RBM19: variants seen among roughly 807,000 people sequenced by gnomAD.
The protein encoded by RBM19 is probable RNA-binding protein 19.
A neutral mutation model predicts 116.8 loss-of-function variants in RBM19; 94 were observed. That is an observed-to-expected ratio of 0.80 (90% confidence interval 0.68 to 0.95). RBM19 has a LOEUF of 0.95. Among genes scored for constraint, RBM19 ranks in the 40% least tolerant of loss-of-function variants. The pLI, the probability that RBM19 is intolerant of heterozygous loss-of-function variation, is 0.00. For synonymous variants in RBM19, 475 were observed against 494.1 expected (o/e 0.96, Z 0.51); for missense variants, 1,161 against 1,220.7 (o/e 0.95, Z 0.73).
In RBM19 at chr12:113,924,766, G is replaced by A. The variant is rs1868906707; in HGVS notation, c.2245-9C>T. On this transcript the variant is annotated splice_polypyrimidine_tract_variant and intron_variant, in intron 17 of 23. Coordinates refer to ENST00000261741, the MANE Select transcript of RBM19 (RefSeq NM_016196.4). ...CCCACTTTTGAAAACACCTGGATAA[G>A]AAAGTAACAAGTATCATCAGCAGCT... 2 of 1,536,262 alleles carry A rather than the reference G, an allele frequency of 1.3e-6. No individual in the cohort carries two copies. Among genetic ancestry groups the A allele is most frequent in the Non-Finnish European group, 1.8e-6 (2 of 1,109,436 alleles).
intron 21 of RBM19, among the ~76,000 whole-genome samples, chr12:113,884,298 TACACAC>T (rs56150788): frequency 0.046 from 6,370 of 137,268 alleles, 334 homozygotes; most frequent in Admixed American, 0.16. Context: ...AAAAAAAGTA[TACACAC>T]ACACACACAC....
chr12:113,858,740 G>T (rs1878123092), intron 22 of RBM19, 51 bp downstream of exon 22: 1 of 1,547,442 alleles, frequency 6.5e-7, no homozygotes, highest in Admixed American at 1.7e-5. Flanking sequence ...CCTACAATGG[G>T]TACTGGAAAG....
intron 21 of RBM19, among the ~76,000 whole-genome samples, chr12:113,882,269 G>C (rs1315356381): frequency 6.6e-6 from 1 of 152,172 alleles, no homozygotes; most frequent in African/African-American, 2.4e-5. Context: ...GGAGGACATG[G>C]TTCTCTCTGT....
chr12:113,966,117 C>G lies in RBM19; in HGVS notation c.36+75G>C, dbSNP rs747357723. On this transcript the variant is annotated intron_variant, in intron 1 of 23. Transcript: ENST00000261741. ...CAGAGCAAAAATTCTTCGATCACCTCCAGGCATCTCTTCCCTACCTCACAG... is the reference window on the plus strand; with the variant it reads ...CAGAGCAAAAATTCTTCGATCACCTGCAGGCATCTCTTCCCTACCTCACAG... 7 of 1,592,018 alleles carry G rather than the reference C, an allele frequency of 4.4e-6. No individual in the cohort carries two copies. The East Asian group carries it at 6.7e-5, about 15-fold the overall frequency.
chr12:113,901,903 G>A (rs181290156), intron 21 of RBM19, among the ~76,000 whole-genome samples: 1 of 150,108 alleles, frequency 6.7e-6, no homozygotes, highest in Non-Finnish European at 1.5e-5. Context: ...ATTACTGCAG[G>A]AAATGGCCTT....
chr12:113,881,042 T>C (rs1395724464), intron 21 of RBM19, among the ~76,000 whole-genome samples: 1 of 152,184 alleles, frequency 6.6e-6, no homozygotes. Context: ...CTGAACACCA[T>C]CATCCCCTCA....
rs368583890 is a variant in RBM19 at position 113,844,654 on chromosome 12, C to T, written c.2785+14G>A. On this transcript the variant is annotated intron_variant, in intron 23 of 23. Coordinates refer to ENST00000261741, the MANE Select transcript of RBM19 (RefSeq NM_016196.4). Reference sequence around the variant, plus strand: ...GGGCCCATGAGTCAGCCCAAAAGACCGTCCCGCTCCTACCGTGAAAGTGAG... The same window carrying T: ...GGGCCCATGAGTCAGCCCAAAAGACTGTCCCGCTCCTACCGTGAAAGTGAG... The T allele has an allele frequency of 4.5e-5, 72 of 1,601,918 alleles. No individual in the cohort carries two copies. The African/African-American group carries it at 6.7e-4, about 15-fold the overall frequency.
In RBM19 at chr12:113,839,718, G is replaced by C. The variant is rs573658816; in HGVS notation, c.2785+4950C>G. On this transcript the variant is annotated intron_variant, in intron 23 of 23. Transcript: ENST00000261741. ...CTACTATGGCTTTTGTTACTTCCCT[G>C]ATCACTGTCAAATCAATGCCAGAAG... 4.4e-4 allele frequency among the ~76,000 whole-genome samples: 67 copies of C among 152,264 alleles called. No homozygotes were observed. The East Asian group carries it at 9.3e-3, about 21-fold the overall frequency.
At chr12:113,838,400 G>A (rs1038833618) in intron 23 of RBM19, among the ~76,000 whole-genome samples, 3 of 152,224 alleles carry the variant, frequency 2.0e-5, no homozygotes. Context: ...ACTCCATGGG[G>A]AGAACACACA....
chr12:113,912,045 C>A (rs186130668), intron 21 of RBM19, among the ~76,000 whole-genome samples: 1 of 152,282 alleles, frequency 6.6e-6, no homozygotes, highest in African/African-American at 2.4e-5. Context: ...AAATGCAGTG[C>A]CTCCTGATGC....
chr12:113,818,187 C>CT (rs1311071081), downstream of RBM19: 1 of 120,342 alleles, frequency 8.3e-6, no homozygotes, highest in African/African-American at 3.3e-5. Context: ...GCACTCCAGC[C>CT]TGGGGAACAG....
At chr12:113,941,574 G>C (rs1870573796) in intron 14 of RBM19, among the ~76,000 whole-genome samples, 3 of 107,216 alleles carry the variant, frequency 2.8e-5, no homozygotes, top group African/African-American at 1.5e-4. Flanking sequence ...TGCATCATCT[G>C]TATTCATCCA....
intron 5 of RBM19, 66 bp from the exon 6 acceptor site, chr12:113,958,116 T>C: frequency 1.9e-6 from 3 of 1,540,510 alleles, no homozygotes; most frequent in South Asian, 1.3e-5. Context: ...AGGTAGCAAA[T>C]GGTAGATGGT....
intron 18 of RBM19, among the ~76,000 whole-genome samples, 197 bp downstream of exon 18, chr12:113,924,500 C>T (rs868657327): frequency 5.3e-5 from 8 of 152,238 alleles, no homozygotes; most frequent in Middle Eastern, 3.4e-3. Context: ...GCTGCTTCGA[C>T]TGGAAAGGAG....
chr12:113,925,377 A>G lies in RBM19; in HGVS notation c.2245-620T>C, dbSNP rs140888334. ...CAGCTGCTTACTGACTCTTGTGTTT[A>G]AAGTGTCAGATGCTTTATTTGGAGT... is the stretch of plus-strand genomic sequence containing the variant. On this transcript the variant is annotated intron_variant, in intron 17 of 23. Transcript: ENST00000261741. 5.1e-3 allele frequency among the ~76,000 whole-genome samples: 782 copies of G among 152,358 alleles called. 3 individuals carry two copies. The highest frequency in any genetic ancestry group is 0.01 in the Middle Eastern group (3 of 294).
chr12:113,823,161 A>T lies in RBM19; in HGVS notation c.*63T>A. On this transcript the variant is annotated 3_prime_UTR_variant, in exon 24 of 24. Coordinates refer to ENST00000261741, the MANE Select transcript of RBM19 (RefSeq NM_016196.4). ...CCCCAGCCCACATGGTGGTGAGTGC[A>T]GAAGCTGGAGCGGCTGTCCCGGTCC... is the stretch of plus-strand genomic sequence containing the variant. 1 of 1,430,044 alleles carries T rather than the reference A, an allele frequency of 7.0e-7. No individual in the cohort carries two copies. Among genetic ancestry groups the T allele is most frequent in the Non-Finnish European group, 9.7e-7 (1 of 1,035,776 alleles). The allele number at this position is 1,430,044 out of a possible 1,614,324, so 88.6% of individuals were successfully genotyped here.
intron 21 of RBM19, among the ~76,000 whole-genome samples, chr12:113,900,440 A>G (rs1374064559): frequency 1.3e-5 from 2 of 152,310 alleles, no homozygotes; most frequent in East Asian, 3.9e-4. Context: ...AACAGTCTCA[A>G]TCCTCCCGCA....
chr12:113,895,289 A>T (rs917836562), intron 21 of RBM19, among the ~76,000 whole-genome samples: 3 of 152,030 alleles, frequency 2.0e-5, no homozygotes, highest in African/African-American at 7.3e-5. Flanking sequence ...GGCGGGAGAG[A>T]GTGTGTGTCA....
At chr12:113,884,120 A>AACAAAAAAC (rs1555235358) in intron 21 of RBM19, among the ~76,000 whole-genome samples, 3 of 145,828 alleles carry the variant, frequency 2.1e-5, no homozygotes, top group South Asian at 2.2e-4. Flanking sequence ...ACCAAAAAAA[A>AACAAAAAAC]AAAAAAACAA....
Sources: allele counts gnomAD v4.1 joint callset (sites outside exome capture counted in the v4.1 genomes callset), GRCh38; gene constraint gnomAD v4.1.1; transcripts MANE v1.5; gene names NCBI Gene and HGNC (gene_info 2026-07-23, HGNC 2026-07-21).